Variants in PPFIBP2 observed in about 807,000 individuals in gnomAD.
The protein encoded by PPFIBP2 is PPFIB scaffold protein 2.
PPFIBP2 carries 118 observed loss-of-function variants against 118.3 expected under a neutral mutation model. That is an observed-to-expected ratio of 1.00 (90% confidence interval 0.86 to 1.16). The LOEUF is 1.16. PPFIBP2 is among the 50% of genes most tolerant of loss of function. The probability of loss-of-function intolerance (pLI) is 0.00; values close to 1 mark genes in which losing one functional copy is unlikely to be tolerated. For missense variants in PPFIBP2, 1,195 were observed against 1,073.1 expected, an observed-to-expected ratio of 1.11 and a Z score of -1.59; for synonymous variants, 414 against 397.4, an observed-to-expected ratio of 1.04 and a Z score of -0.50.
chr11:7,537,325 G>T (rs143514326), intron 1 of PPFIBP2, among the ~76,000 whole-genome samples: 36 of 152,262 alleles, frequency 2.4e-4, no homozygotes, highest in African/African-American at 8.0e-4. Flanking sequence ...AAACAAAAAT[G>T]AGGACACTTT....
At chr11:7,550,397 C>G (rs993901266) in intron 2 of PPFIBP2, among the ~76,000 whole-genome samples, 19 of 152,298 alleles carry the variant, frequency 1.2e-4, no homozygotes, top group African/African-American at 4.3e-4. Context: ...TGACACTGCC[C>G]TTTCTCAGGC....
intron 2 of PPFIBP2, among the ~76,000 whole-genome samples, chr11:7,563,296 C>T (rs1368662102): frequency 6.6e-6 from 1 of 152,132 alleles, no homozygotes; most frequent in East Asian, 1.9e-4. Flanking sequence ...GGAGGTCTTG[C>T]TCTGCTTCTG....
intron 6 of PPFIBP2, among the ~76,000 whole-genome samples, chr11:7,611,963 A>C (rs188399236): frequency 1.3e-5 from 2 of 152,364 alleles, no homozygotes; most frequent in South Asian, 2.1e-4. Flanking sequence ...TTCAACCTGC[A>C]CAATTGTATG....
At chr11:7,654,180 A>C (rs1234372186), downstream of PPFIBP2, among the ~76,000 whole-genome samples, 1 of 152,260 alleles carries the variant, frequency 6.6e-6, no homozygotes. Context: ...AGCTAGGCTC[A>C]TAACCATGGT....
chr11:7,564,857 C>T (rs1373210955), intron 2 of PPFIBP2, among the ~76,000 whole-genome samples: 2 of 152,124 alleles, frequency 1.3e-5, no homozygotes. Context: ...AGGCCCAGGC[C>T]CAGAGCTGGT....
At chr11:7,537,852 G>C (rs1851366267) in intron 1 of PPFIBP2, among the ~76,000 whole-genome samples, 1 of 152,078 alleles carries the variant, frequency 6.6e-6, no homozygotes, top group African/African-American at 2.4e-5. Flanking sequence ...CTCCTTGTTG[G>C]AGTACCTGCA....
At chr11:7,583,460 C>T (rs1187275773) in intron 3 of PPFIBP2, among the ~76,000 whole-genome samples, 4 of 152,202 alleles carry the variant, frequency 2.6e-5, no homozygotes, top group African/African-American at 7.2e-5. Context: ...GTAATAATGA[C>T]TCAGTGCATC....
At chr11:7,529,749 T>A (rs75881737) in intron 1 of PPFIBP2, among the ~76,000 whole-genome samples, 1,569 of 152,350 alleles carry the variant, frequency 0.01, 27 homozygotes, top group African/African-American at 0.036. Flanking sequence ...GGATGGCCCC[T>A]GAGCCTCATA....
intron 3 of PPFIBP2, among the ~76,000 whole-genome samples, chr11:7,585,660 C>T (rs966102451): frequency 2.0e-5 from 3 of 152,350 alleles, no homozygotes; most frequent in Non-Finnish European, 2.9e-5. Context: ...ATCAAGCACT[C>T]ACCCTGTCTA....
chr11:7,553,547 G>A (rs957709673), intron 2 of PPFIBP2, among the ~76,000 whole-genome samples: 4 of 152,146 alleles, frequency 2.6e-5, no homozygotes, highest in African/African-American at 7.2e-5. Flanking sequence ...CTACAGAGTT[G>A]GACTGTAGGG....
chr11:7,569,442 TGAG>T (rs969724098), intron 3 of PPFIBP2, among the ~76,000 whole-genome samples: 11 of 152,178 alleles, frequency 7.2e-5, no homozygotes, highest in Admixed American at 2.0e-4. Context: ...GTAAGTATAA[TGAG>T]GAGAAGTGGG....
chr11:7,550,841 G>T (rs117722457), intron 2 of PPFIBP2, among the ~76,000 whole-genome samples: 8 of 152,242 alleles, frequency 5.3e-5, no homozygotes, highest in Non-Finnish European at 8.8e-5. Flanking sequence ...AACATGAAAA[G>T]TCTAGACTAG....
chr11:7,569,856 T>C (rs985267825), intron 3 of PPFIBP2, among the ~76,000 whole-genome samples: 2 of 152,120 alleles, frequency 1.3e-5, no homozygotes, highest in Non-Finnish European at 2.9e-5. Flanking sequence ...GCCTCCTCCT[T>C]CTCTGTTTAC....
chr11:7,530,514 A>G (rs1466899758), intron 1 of PPFIBP2, among the ~76,000 whole-genome samples: 1 of 152,216 alleles, frequency 6.6e-6, no homozygotes, highest in African/African-American at 2.4e-5. Flanking sequence ...AAGAGGCCCC[A>G]GAGAACTAGC....
Position 7,616,672 on chromosome 11 carries a change from G to A in PPFIBP2, c.619-4263G>A, listed in dbSNP as rs1286164565. 5.9e-5 allele frequency among the ~76,000 whole-genome samples: 9 copies of A among 152,138 alleles called. No homozygotes were observed. Among genetic ancestry groups the A allele is most frequent in the African/African-American group, 9.7e-5 (4 of 41,416 alleles). ...ATTGTCATGGATAAGTGTGATGTGT[G>A]CCATATGTCCCCTGTGCATAGGTGC... On this transcript the variant is annotated intron_variant, in intron 6 of 23. Transcript: ENST00000299492. The surrounding 1 kb of genome is among the most constrained non-coding windows in gnomAD (Gnocchi z 5.2).
intron 17 of PPFIBP2, among the ~76,000 whole-genome samples, chr11:7,646,628 G>A (rs1043083995): frequency 2.0e-5 from 3 of 152,186 alleles, no homozygotes; most frequent in African/African-American, 7.2e-5. Flanking sequence ...GGGAGGCTGA[G>A]GCAGGAGGAT....
chr11:7,651,974 C>T (rs1317882472), intron 23 of PPFIBP2, 130 bp downstream of exon 23: 1 of 916,100 alleles, frequency 1.1e-6, no homozygotes, highest in Non-Finnish European at 1.6e-6. Context: ...TCAGCTTCTG[C>T]TGTGGGCTTG....
intron 2 of PPFIBP2, among the ~76,000 whole-genome samples, chr11:7,564,927 C>G (rs1854782273): frequency 6.6e-6 from 1 of 152,198 alleles, no homozygotes; most frequent in Admixed American, 6.5e-5. Flanking sequence ...AGCCCAGAGT[C>G]AAGATCCATC....
chr11:7,617,023 C>T (rs1848735834), intron 6 of PPFIBP2: 1 of 678,740 alleles, frequency 1.5e-6, no homozygotes, highest in Non-Finnish European at 1.8e-6. Flanking sequence ...CCCATGCACA[C>T]TTCCTCTGTG....
Sources: gnomAD v4.1 joint callset for allele counts (sites outside exome capture counted in the v4.1 genomes callset) on GRCh38, gnomAD v4.1.1 for gene constraint, Gnocchi (gnomAD v3.1) non-coding constraint, MANE v1.5 for transcripts, NCBI Gene and HGNC (gene_info 2026-07-23, HGNC 2026-07-21) for gene names.